Variants in POFUT2 observed in about 807,000 individuals in gnomAD.
POFUT2 encodes GDP-fucose protein O-fucosyltransferase 2.
POFUT2 carries 30 observed loss-of-function variants against 55.0 expected under a neutral mutation model. The ratio of observed to expected loss-of-function variants is 0.55; its 90% CI spans 0.41 to 0.74. The LOEUF (loss-of-function observed/expected upper bound fraction) is 0.74, where lower values mean the gene tolerates loss of function less well. Ranked by LOEUF, POFUT2 falls within the 30% of genes least tolerant of loss-of-function variation. The pLI, the probability that POFUT2 is intolerant of heterozygous loss-of-function variation, is 0.00. For synonymous variants in POFUT2, 267 were observed against 231.1 expected, an observed-to-expected ratio of 1.16 and a Z score of -1.41; for missense variants, 524 against 562.6, an observed-to-expected ratio of 0.93 and a Z score of 0.69.
At chr21:45,287,676 C>CCAACCCAACAAAG in intron 1 of POFUT2, 65 bp downstream of exon 1, 17 of 1,181,510 alleles carry the variant, frequency 1.4e-5, no homozygotes, top group Non-Finnish European at 1.9e-5. Flanking sequence ...GCCCCGCCCC[C>CCAACCCAACAAAG]ATCCCATCCT....
intron 1 of POFUT2, among the ~76,000 whole-genome samples, chr21:45,286,265 T>G (rs527617847): frequency 6.6e-6 from 1 of 152,244 alleles, no homozygotes; most frequent in Non-Finnish European, 1.5e-5. Flanking sequence ...GACTGACGGC[T>G]GGTTATGTGC....
At chr21:45,279,011 C>T (rs1055535378) in intron 4 of POFUT2, among the ~76,000 whole-genome samples, 2 of 152,140 alleles carry the variant, frequency 1.3e-5, no homozygotes, top group African/African-American at 4.8e-5. Context: ...ACGAAACACA[C>T]AAAATGGACC....
Position 45,285,945 on chromosome 21 carries a change from A to G in POFUT2, c.132-17T>C, listed in dbSNP as rs761004981. 1.8e-5 allele frequency: 28 copies of G among 1,586,460 alleles called. No homozygotes were observed. The South Asian group carries it at 3.1e-4, about 18-fold the overall frequency. The stretch of plus-strand genomic sequence containing the variant: ...AGAAGATACCTGAGCAGGGAGAAGG[A>G]GGACCACAGGTCTCAAATGCTGAGG... On this transcript the variant is annotated splice_polypyrimidine_tract_variant and intron_variant, in intron 1 of 8. Transcript: ENST00000349485. This position sits in a 1 kb window ranked among gnomAD's most constrained non-coding sequence, Gnocchi z 4.9.
chr21:45,270,040 A>C lies in POFUT2; in HGVS notation c.832-21T>G. The C allele has an allele frequency of 6.6e-7, 1 of 1,511,298 alleles. No homozygotes were observed. Among genetic ancestry groups the C allele is most frequent in the Non-Finnish European group, 8.8e-7 (1 of 1,135,132 alleles). The allele number at this position is 1,511,298 out of a possible 1,614,324, so 93.6% of individuals were successfully genotyped here. Reference sequence around the variant, plus strand: ...TTGACCTAGCAAAGAACCACAAGGAAATGCAGAAGCTGACAGGCGGGCTCG... The same window carrying C: ...TTGACCTAGCAAAGAACCACAAGGACATGCAGAAGCTGACAGGCGGGCTCG... On this transcript the variant is annotated intron_variant, in intron 6 of 8. Transcript: ENST00000349485. This position sits in a 1 kb window ranked among gnomAD's most constrained non-coding sequence, Gnocchi z 4.6.
At chr21:45,279,364 C>T (rs1362094088) in intron 4 of POFUT2, among the ~76,000 whole-genome samples, 2 of 152,088 alleles carry the variant, frequency 1.3e-5, no homozygotes, top group Non-Finnish European at 2.9e-5. Flanking sequence ...CACTGCACTC[C>T]AGCCTGGGCA....
intron 8 of POFUT2, chr21:45,266,400 G>C: frequency 8.3e-7 from 1 of 1,206,308 alleles, no homozygotes; most frequent in Non-Finnish European, 1.1e-6. Flanking sequence ...AGAGCAGGCC[G>C]CGCCGGCCCG....
At position 45,270,369 on chromosome 21, in the gene POFUT2, A is replaced by G. The variant is rs543571710; in HGVS notation, c.832-350T>C. ...ACGGATCCTGTGGACAAAGCAGCTC[A>G]CAGCTGCAAACTCCCCGGGAGCCAG... On this transcript the variant is annotated intron_variant, in intron 6 of 8. Transcript: ENST00000349485. The surrounding 1 kb of genome is among the most constrained non-coding windows in gnomAD (Gnocchi z 4.6). 4.6e-5 allele frequency among the ~76,000 whole-genome samples: 7 copies of G among 152,056 alleles called. No individual in the cohort carries two copies. Among genetic ancestry groups the G allele is most frequent in the Non-Finnish European group, 1.0e-4 (7 of 68,010 alleles).
At position 45,284,399 on chromosome 21, in the gene POFUT2, C is replaced by T. The variant is rs7277280; in HGVS notation, c.383-872G>A. Among the ~76,000 whole-genome samples, 3,134 of 152,250 alleles carry T rather than the reference C, an allele frequency of 0.021. 93 individuals are homozygous for T. Among genetic ancestry groups the T allele is most frequent in the African/African-American group, 0.072 (2,971 of 41,534 alleles). Reference sequence around the variant, plus strand: ...GGTGGTGAAGATCCTGCACGCTGGGCGCTATGTCAGCCACATCAGGAGCTC... The same window carrying T: ...GGTGGTGAAGATCCTGCACGCTGGGTGCTATGTCAGCCACATCAGGAGCTC... On this transcript the variant is annotated intron_variant, in intron 2 of 8. Coordinates refer to ENST00000349485, the MANE Select transcript of POFUT2 (RefSeq NM_133635.6). This position sits in a 1 kb window ranked among gnomAD's most constrained non-coding sequence, Gnocchi z 5.8.
Position 45,265,421 on chromosome 21 carries a change from C to T in POFUT2, c.*61G>A, listed in dbSNP as rs1382529617. 3.4e-6 allele frequency: 5 copies of T among 1,469,962 alleles called. No individual in the cohort carries two copies. The highest frequency in any genetic ancestry group is 2.5e-5 in the South Asian group (2 of 78,526). The allele number at this position is 1,469,962 out of a possible 1,614,324, so 91.1% of individuals were successfully genotyped here. A position where few individuals can be genotyped will look rare whatever the true frequency, so the allele number is the denominator to read the frequency against. On this transcript the variant is annotated 3_prime_UTR_variant, in exon 9 of 9. Coordinates refer to ENST00000349485, the MANE Select transcript of POFUT2 (RefSeq NM_133635.6). The surrounding 1 kb of genome is among the most constrained non-coding windows in gnomAD (Gnocchi z 4.6). ...CTGGCAGTAGACGGTGACTCCACGG[C>T]GACAGAACCTGCATCCACCCGCGCC...
At chr21:45,283,332 A>AG (rs1234623926) in intron 3 of POFUT2, 51 bp downstream of exon 3, 3 of 671,994 alleles carry the variant, frequency 4.5e-6, no homozygotes, top group African/African-American at 5.1e-5. Context: ...CGCATGCGGC[A>AG]GGGGGAGGTG....
chr21:45,283,326 T>G (rs1447332921), intron 3 of POFUT2, 57 bp downstream of exon 3: 140 of 652,802 alleles, frequency 2.1e-4, no homozygotes, highest in South Asian at 9.4e-4. Context: ...GGGGGACGCA[T>G]GCGGCAGGGG....
chr21:45,279,345 A>G (rs1248616098), intron 4 of POFUT2, among the ~76,000 whole-genome samples: 1 of 152,180 alleles, frequency 6.6e-6, no homozygotes. Flanking sequence ...CAGTGAGCCG[A>G]GATCGCGCCA....
At chr21:45,286,070 G>C (rs1490394135) in intron 1 of POFUT2, 142 bp from the exon 2 acceptor site, 1 of 678,964 alleles carries the variant, frequency 1.5e-6, no homozygotes, top group Non-Finnish European at 2.5e-6. Context: ...TGAGTGGCCT[G>C]TTTCTCTATG....
intron 6 of POFUT2, among the ~76,000 whole-genome samples, chr21:45,276,144 G>A (rs576708414): frequency 1.1e-4 from 16 of 151,968 alleles, no homozygotes; most frequent in African/African-American, 3.4e-4. Context: ...AGCTGAGATC[G>A]TGTCACTGCA....
chr21:45,282,439 T>G lies in POFUT2; in HGVS notation c.548A>C (p.Glu183Ala). 3 of 1,609,942 alleles carry G rather than the reference T, an allele frequency of 1.9e-6. No individual in the cohort carries two copies. The highest frequency in any genetic ancestry group is 2.5e-6 in the Non-Finnish European group (3 of 1,176,506). The stretch of plus-strand genomic sequence containing the variant: ...GGAGACGTTTAGACCCCTGGTCTCC[T>G]CATAACCCCAAAACCATCCTCTGGA... The part of the protein sequence containing the change: ...EYYRGWFWGY[E>A]ETRGLNVSCL... Residue 183 changes from glutamate to alanine, a missense_variant, in exon 4 of 9, where the codon GAG becomes GCG. Physicochemically the swap from Glu to Ala is moderately radical, Grantham distance 107 (BLOSUM62 -1). Transcript: ENST00000349485. The surrounding 1 kb of genome is among the most constrained non-coding windows in gnomAD (Gnocchi z 4.6).
intron 1 of POFUT2, among the ~76,000 whole-genome samples, chr21:45,286,896 C>T (rs1602243699): frequency 1.3e-5 from 2 of 152,322 alleles, no homozygotes; most frequent in East Asian, 3.9e-4. Context: ...ACAGGGCGGC[C>T]GCGAAGCTCG....
chr21:45,266,226 A>G, intron 8 of POFUT2: 1 of 1,367,524 alleles, frequency 7.3e-7, no homozygotes, highest in Non-Finnish European at 9.8e-7. Flanking sequence ...GCACTTCATG[A>G]ACTTCGTGAA....
At chr21:45,274,249 A>G (rs554471111) in intron 6 of POFUT2, among the ~76,000 whole-genome samples, 1 of 151,552 alleles carries the variant, frequency 6.6e-6, no homozygotes, top group Admixed American at 6.6e-5. Flanking sequence ...AAAAACAACC[A>G]AAAAAACCCA....
Position 45,270,560 on chromosome 21 carries a change from C to T in POFUT2, c.832-541G>A, listed in dbSNP as rs558891913. 9.8e-5 allele frequency among the ~76,000 whole-genome samples: 15 copies of T among 152,358 alleles called. No homozygotes were observed. The highest frequency in any genetic ancestry group is 1.9e-4 in the East Asian group (1 of 5,176). ...TGTCCACAGGTCCCGAGTCTGTCCA[C>T]GTGACAACTTCACTGCAGCATAACC... On this transcript the variant is annotated intron_variant, in intron 6 of 8. Transcript: ENST00000349485. The surrounding 1 kb of genome is among the most constrained non-coding windows in gnomAD (Gnocchi z 4.6).
Sources: allele counts gnomAD v4.1 joint callset (sites outside exome capture counted in the v4.1 genomes callset), GRCh38; gene constraint gnomAD v4.1.1; non-coding constraint Gnocchi (gnomAD v3.1); transcripts MANE v1.5; gene names NCBI Gene and HGNC (gene_info 2026-07-23, HGNC 2026-07-21).